TIMP3: variants seen among roughly 807,000 people sequenced by gnomAD.
TIMP3 encodes the protein metalloproteinase inhibitor 3.
TIMP3 carries 11 observed loss-of-function variants against 30.0 expected under a neutral mutation model. The observed-to-expected ratio is 0.37, with a 90% confidence interval of 0.23 to 0.61. The LOEUF (loss-of-function observed/expected upper bound fraction) is 0.61. TIMP3 is among the 20% of genes least tolerant of loss of function. The pLI is 0.70. For synonymous variants in TIMP3, 112 were observed against 111.3 expected (o/e 1.01, Z -0.04); for missense variants, 181 against 276.8 (o/e 0.65, Z 2.45).
At position 32,804,303 on chromosome 22, in the gene TIMP3, T is replaced by C. The variant is rs184849021; in HGVS notation, c.121+2181T>C. ...GCTTGCCTGCCGACCTCCCTCGCCT[T>C]GCACAGCACCCTGCTGGCGTCCAGT... On this transcript the variant is annotated intron_variant, in intron 1 of 4. Coordinates refer to ENST00000266085, the MANE Select transcript of TIMP3 (RefSeq NM_000362.5). Among the ~76,000 whole-genome samples the C allele has an allele frequency of 2.0e-5, 3 of 152,302 alleles. No individual in the cohort carries two copies. The East Asian group carries it at 5.8e-4, about 29-fold the overall frequency.
At chr22:32,814,317 C>CAGAG (rs1409921861) in intron 1 of TIMP3, among the ~76,000 whole-genome samples, 3 of 43,686 alleles carry the variant, frequency 6.9e-5, no homozygotes, top group Admixed American at 2.8e-4. Context: ...GAGAGAGAGA[C>CAGAG]AGAAAGAAAG....
chr22:32,814,526 A>C (rs2047037519), intron 1 of TIMP3, among the ~76,000 whole-genome samples: 1 of 152,168 alleles, frequency 6.6e-6, no homozygotes, highest in African/African-American at 2.4e-5. Flanking sequence ...AGATGGCTTG[A>C]CCAGAGTGGA....
rs534982903 is a variant in TIMP3, at chr22:32,802,065, G to A, written c.64G>A (p.Glu22Lys). 1.3e-6 allele frequency: 2 copies of A among 1,577,298 alleles called. No individual in the cohort carries two copies. Among genetic ancestry groups the A allele is most frequent in the Admixed American group, 1.8e-5 (1 of 55,638 alleles). The change falls in exon 1 of 5, where the codon GAG becomes AAG. Residue 22 changes from glutamate to lysine, a missense_variant. Around this residue, in one of 3 missense-constraint regions of TIMP3, gnomAD observed 71 missense variants for 79.7 expected, o/e 0.89. Coordinates refer to ENST00000266085, the MANE Select transcript of TIMP3 (RefSeq NM_000362.5). ...GSWSLGDWGAEACTCSPSHPQ... is the reference protein window; with the variant it reads ...GSWSLGDWGAKACTCSPSHPQ... ...CTGGAGCCTGGGGGACTGGGGCGCC[G>A]AGGCGTGCACATGCTCGCCCAGCCA...
rs527394645 is a variant in TIMP3 at position 32,851,522 on chromosome 22, C to T, written c.204+1988C>T. ...GGTGGGCTTAGAAGACACACTCCCA[C>T]TCCCAGACTGGTGGGCTTAGGCTTT... On this transcript the variant is annotated intron_variant, in intron 2 of 4. Transcript: ENST00000266085. Among the ~76,000 whole-genome samples, 3 of 152,326 alleles carry T rather than the reference C, an allele frequency of 2.0e-5. No individual in the cohort carries two copies. In the East Asian group the frequency reaches 5.8e-4, roughly 29 times the overall value.
rs888848679 is a variant in TIMP3 at position 32,862,443 on chromosome 22, G to C, written c.*3066G>C. 2 of 152,142 alleles carry C rather than the reference G, an allele frequency of 1.3e-5. No individual in the cohort carries two copies. The highest frequency in any genetic ancestry group is 1.3e-4 in the Admixed American group (2 of 15,270). The allele number at this position is 152,142 out of a possible 1,614,324, so 9.4% of individuals were successfully genotyped here. The stretch of plus-strand genomic sequence containing the variant: ...TTCTTGAACAATTAAAGAAACAAAT[G>C]ACTTTTTGGAATAGCCCTGTCTAGG... On this transcript the variant is annotated 3_prime_UTR_variant, in exon 5 of 5. Coordinates refer to ENST00000266085, the MANE Select transcript of TIMP3 (RefSeq NM_000362.5).
At chr22:32,832,822 G>A (rs1050296321) in intron 1 of TIMP3, among the ~76,000 whole-genome samples, 3 of 151,996 alleles carry the variant, frequency 2.0e-5, no homozygotes, top group African/African-American at 7.3e-5. Context: ...CAACTTCCTA[G>A]GCTCAAGTGA....
Position 32,858,045 on chromosome 22 carries a change from G to A in TIMP3, c.345G>A (p.Thr115=), listed in dbSNP as rs746811195. ...TGRVYDGKMY[T]GLCNFVERWD... ...GCGTCTATGATGGCAAGATGTACAC[G>A]GGGCTGTGCAACTTCGTGGAGAGGT... The change falls in exon 4 of 5, where the codon ACG becomes ACA. Residue 115 remains threonine, a synonymous_variant. Transcript: ENST00000266085. The A allele has an allele frequency of 8.1e-6, 13 of 1,614,014 alleles. No homozygotes were observed. Among genetic ancestry groups the A allele is most frequent in the South Asian group, 7.7e-5 (7 of 91,078 alleles).
rs36110357 is a variant in TIMP3 at position 32,824,162 on chromosome 22, C to T, written c.121+22040C>T. ...GTGTGGTGGCGCACATCTGAAGTCC[C>T]AGCTACTTGGGAGGCTGAGGCAGGA... On this transcript the variant is annotated intron_variant, in intron 1 of 4. Coordinates refer to ENST00000266085, the MANE Select transcript of TIMP3 (RefSeq NM_000362.5). 2.4e-3 allele frequency among the ~76,000 whole-genome samples: 363 copies of T among 151,774 alleles called. 1 individual carries two copies. Among genetic ancestry groups the T allele is most frequent in the Non-Finnish European group, 4.1e-3 (277 of 67,942 alleles).
chr22:32,814,983 A>G (rs1347865629), intron 1 of TIMP3, among the ~76,000 whole-genome samples: 1 of 152,232 alleles, frequency 6.6e-6, no homozygotes, highest in Non-Finnish European at 1.5e-5. Flanking sequence ...ACACTTATTA[A>G]TAAGATCTTA....
At position 32,859,344 on chromosome 22, in the gene TIMP3, G is replaced by A. The variant is rs1488001077; in HGVS notation, c.603G>A (p.Pro201=). 5.0e-6 allele frequency: 8 copies of A among 1,612,898 alleles called. No individual in the cohort carries two copies. Among genetic ancestry groups the A allele is most frequent in the East Asian group, 2.2e-5 (1 of 44,872 alleles). ...GCTGGTACCGAGGATGGGCCCCCCCGGATAAAAGCATCATCAATGCCACAG... is the reference window on the plus strand; with the variant it reads ...GCTGGTACCGAGGATGGGCCCCCCCAGATAAAAGCATCATCAATGCCACAG... ...YCSWYRGWAP[P]DKSIINATDP is the part of the protein sequence containing the mutation. The change falls in exon 5 of 5, where the codon CCG becomes CCA. Residue 201 remains proline (P), a synonymous_variant. Transcript: ENST00000266085.
Position 32,862,745 on chromosome 22 carries a change from A to C in TIMP3, c.*3368A>C, listed in dbSNP as rs192181711. 58 of 152,704 alleles carry C rather than the reference A, an allele frequency of 3.8e-4. No homozygotes were observed. The highest frequency in any genetic ancestry group is 9.9e-4 in the African/African-American group (41 of 41,558). The allele number at this position is 152,704 out of a possible 1,614,324, so 9.5% of individuals were successfully genotyped here. A position where few individuals can be genotyped will look rare whatever the true frequency, so the allele number is the denominator to read the frequency against. On this transcript the variant is annotated 3_prime_UTR_variant, in exon 5 of 5. Transcript: ENST00000266085. The stretch of plus-strand genomic sequence containing the variant: ...AGAGGAAGGGGAGAACTTGGAGAAT[A>C]GTTTTTGCTTTGGGGGTAGAGGCTT...
intron 1 of TIMP3, among the ~76,000 whole-genome samples, chr22:32,803,230 G>A (rs1243152151): frequency 2.0e-5 from 3 of 152,262 alleles, no homozygotes; most frequent in South Asian, 4.2e-4. Flanking sequence ...CGATTCAGAG[G>A]TGAAGAATGG....
At chr22:32,851,912 G>A (rs1295223727) in intron 2 of TIMP3, among the ~76,000 whole-genome samples, 1 of 152,148 alleles carries the variant, frequency 6.6e-6, no homozygotes, top group African/African-American at 2.4e-5. Context: ...ACAAGATACA[G>A]GCTAGAAGTA....
intron 1 of TIMP3, among the ~76,000 whole-genome samples, chr22:32,839,762 C>T (rs894694932): frequency 1.3e-5 from 2 of 152,216 alleles, no homozygotes. Context: ...TGCCCCTTAA[C>T]ACATGAAGGC....
chr22:32,814,349 G>GGA (rs1569245511), intron 1 of TIMP3, among the ~76,000 whole-genome samples: 9 of 148,416 alleles, frequency 6.1e-5, no homozygotes, highest in South Asian at 4.2e-4. Context: ...GAGAAAGAAA[G>GGA]AGAGAAAGAA....
intron 1 of TIMP3, among the ~76,000 whole-genome samples, chr22:32,838,759 G>A (rs563110533): frequency 1.9e-4 from 29 of 151,922 alleles, no homozygotes; most frequent in African/African-American, 3.6e-4. Flanking sequence ...AACCATCCCC[G>A]TCTTCGTTAT....
Position 32,802,131 on chromosome 22 carries a change from T to C in TIMP3, c.121+9T>C, listed in dbSNP as rs1379311016. 6.3e-7 allele frequency: 1 copy of C among 1,577,904 alleles called. No individual in the cohort carries two copies. Among genetic ancestry groups the C allele is most frequent in the African/African-American group, 1.3e-5 (1 of 74,358 alleles). ...CTGCAACTCCGACATCGGTAAGCGC[T>C]CCTGGTGCCCCGCCCGAGCCCCACG... On this transcript the variant is annotated intron_variant, in intron 1 of 4. Coordinates refer to ENST00000266085, the MANE Select transcript of TIMP3 (RefSeq NM_000362.5).
intron 1 of TIMP3, 70 bp from the exon 2 acceptor site, chr22:32,849,382 G>A (rs952562678): frequency 1.6e-5 from 22 of 1,394,258 alleles, no homozygotes; most frequent in East Asian, 7.2e-5. Flanking sequence ...TAGCGTGCCC[G>A]CCCTGAGATG....
chr22:32,802,538 A>T (rs2046618405), intron 1 of TIMP3, among the ~76,000 whole-genome samples: 1 of 150,050 alleles, frequency 6.7e-6, no homozygotes, highest in Admixed American at 6.6e-5. Context: ...GTTGCCCGCC[A>T]TGTGCACGGA....
Sources: gnomAD v4.1 joint callset for allele counts (sites outside exome capture counted in the v4.1 genomes callset) on GRCh38, gnomAD v4.1.1 for gene constraint, gnomAD v4.1.1 regional missense constraint, MANE v1.5 for transcripts, NCBI Gene and HGNC (gene_info 2026-07-23, HGNC 2026-07-21) for gene names.